CALB2: variants seen among roughly 807,000 people sequenced by gnomAD.
The protein encoded by CALB2 is calretinin.
CALB2 carries 34 observed loss-of-function variants against 45.9 expected under a neutral mutation model. The ratio of observed to expected loss-of-function variants is 0.74; its 90% CI spans 0.56 to 0.99. CALB2 has a LOEUF of 0.99. CALB2 is among the 50% of genes least tolerant of loss of function. CALB2 has a pLI of 0.00. For missense variants in CALB2, 344 were observed against 339.3 expected (o/e 1.01, Z -0.11); for synonymous variants, 142 against 129.6 (o/e 1.10, Z -0.65).
chr16:71,385,039 A>G (rs2042554396), intron 9 of CALB2, among the ~76,000 whole-genome samples: 1 of 152,146 alleles, frequency 6.6e-6, no homozygotes, highest in African/African-American at 2.4e-5. Flanking sequence ...TGGTTTCTGC[A>G]GAGTGCAGCC....
intron 1 of CALB2, among the ~76,000 whole-genome samples, chr16:71,360,295 C>A (rs151302134): frequency 6.6e-6 from 1 of 152,230 alleles, no homozygotes; most frequent in Non-Finnish European, 1.5e-5. Flanking sequence ...TTGGAGCCAA[C>A]TGAGAAAGCT....
chr16:71,384,972 T>C (rs2042553549), intron 9 of CALB2, 136 bp downstream of exon 9: 2 of 742,972 alleles, frequency 2.7e-6, no homozygotes, highest in Non-Finnish European at 4.7e-6. Context: ...CCGCATCTTC[T>C]GCTGTATGAG....
chr16:71,380,947 T>C (rs1434139405), intron 4 of CALB2, among the ~76,000 whole-genome samples: 2 of 152,148 alleles, frequency 1.3e-5, no homozygotes, highest in Non-Finnish European at 2.9e-5. Context: ...GCACTGATGA[T>C]GATGAGCACA....
At chr16:71,384,205 T>C in intron 7 of CALB2, 134 bp from the exon 8 acceptor site, 1 of 987,618 alleles carries the variant, frequency 1.0e-6, no homozygotes, top group Non-Finnish European at 1.6e-6. Context: ...GTTTTTGAAC[T>C]TCCCACTGAT....
chr16:71,374,983 C>T (rs1567538814), intron 3 of CALB2, 149 bp downstream of exon 3: 2 of 577,524 alleles, frequency 3.5e-6, no homozygotes, highest in South Asian at 2.1e-5. Flanking sequence ...CCAAAGAGAA[C>T]AGCAGGGACT....
chr16:71,361,993 GT>G (rs1159886572), intron 1 of CALB2, among the ~76,000 whole-genome samples: 1 of 152,270 alleles, frequency 6.6e-6, no homozygotes, highest in East Asian at 1.9e-4. Context: ...GGGTTCCAAT[GT>G]TGTCTCTCAA....
chr16:71,376,656 C>T (rs1438582443), intron 3 of CALB2, among the ~76,000 whole-genome samples: 2 of 152,076 alleles, frequency 1.3e-5, no homozygotes, highest in Admixed American at 6.6e-5. Context: ...TGCCCACATA[C>T]AGCCATATAC....
intron 1 of CALB2, among the ~76,000 whole-genome samples, chr16:71,368,210 A>G (rs1241513134): frequency 6.6e-6 from 1 of 152,232 alleles, no homozygotes; most frequent in Non-Finnish European, 1.5e-5. Flanking sequence ...TGCCTGCACA[A>G]TGCAGATGCT....
intron 3 of CALB2, among the ~76,000 whole-genome samples, chr16:71,376,674 TACA>T (rs1380598719): frequency 4.6e-5 from 7 of 151,674 alleles, no homozygotes; most frequent in Non-Finnish European, 8.8e-5. Context: ...TACACCCACA[TACA>T]ACCACATACA....
At chr16:71,388,487 T>G (rs2042597592) in intron 10 of CALB2, among the ~76,000 whole-genome samples, 2 of 152,156 alleles carry the variant, frequency 1.3e-5, no homozygotes, top group Admixed American at 1.3e-4. Context: ...GTTATTTGTA[T>G]CCGAAGCAAT....
intron 1 of CALB2, among the ~76,000 whole-genome samples, chr16:71,367,313 G>T (rs151161956): frequency 6.6e-6 from 1 of 151,996 alleles, no homozygotes; most frequent in African/African-American, 2.4e-5. Context: ...TGTCTTTATC[G>T]ATGCCCATCC....
At chr16:71,373,658 GC>G (rs1458079996) in intron 2 of CALB2, among the ~76,000 whole-genome samples, 2 of 152,112 alleles carry the variant, frequency 1.3e-5, no homozygotes, top group African/African-American at 2.4e-5. Flanking sequence ...GGAAGCAAAA[GC>G]CATGAGTTCA....
In CALB2 at chr16:71,383,404, C is replaced by T. The variant is rs138229238; in HGVS notation, c.437C>T (p.Pro146Leu). 3.8e-4 allele frequency: 620 copies of T among 1,614,080 alleles called. 5 individuals are homozygous for T. Among genetic ancestry groups the T allele is most frequent in the South Asian group, 1.9e-3 (177 of 91,072 alleles). Residue 146 changes from proline to leucine, a missense_variant, in exon 6 of 11, where the codon CCG becomes CTG. Around this residue, in one of 3 missense-constraint regions of CALB2, gnomAD observed 263 missense variants for 241.7 expected, o/e 1.09. Coordinates refer to ENST00000302628, the MANE Select transcript of CALB2 (RefSeq NM_001740.5). The part of the protein sequence containing the change: ...LSDLLKKANR[P>L]YDEPKLQEYT... ...GACCTGCTGAAGAAGGCGAACCGGC[C>T]GTACGATGAGCCCAAGCTCCAGGAA...
intron 1 of CALB2, among the ~76,000 whole-genome samples, chr16:71,363,320 C>T (rs2042252515): frequency 6.6e-6 from 1 of 152,180 alleles, no homozygotes; most frequent in South Asian, 2.1e-4. Flanking sequence ...CTTCTGTCCA[C>T]CTCCAAGTGG....
chr16:71,371,470 G>A (rs368614051), intron 1 of CALB2, among the ~76,000 whole-genome samples: 9 of 152,108 alleles, frequency 5.9e-5, no homozygotes, highest in Non-Finnish European at 7.4e-5. Context: ...TAAATGTGTC[G>A]GCAGGCTCTG....
intron 5 of CALB2, 22 bp downstream of exon 5, chr16:71,382,797 G>A: frequency 1.3e-6 from 2 of 1,598,230 alleles, no homozygotes; most frequent in Non-Finnish European, 1.7e-6. Flanking sequence ...CTTGGGGAGG[G>A]TGTGAGGCCA....
Position 71,384,033 on chromosome 16 carries a change from C to T in CALB2, c.533+8C>T. 1 of 1,613,544 alleles carries T rather than the reference C, an allele frequency of 6.2e-7. No homozygotes were observed. The highest frequency in any genetic ancestry group is 8.5e-7 in the Non-Finnish European group (1 of 1,179,590). On this transcript the variant is annotated splice_region_variant and intron_variant, in intron 7 of 10. Transcript: ENST00000302628. ...CCTCTCAGAGATGTCCCGGTAAGCA[C>T]CTCACCCCCGGGGTCACTGATACTG...
At chr16:71,384,901 G>A in intron 9 of CALB2, 65 bp downstream of exon 9, 2 of 1,365,780 alleles carry the variant, frequency 1.5e-6, no homozygotes, top group Non-Finnish European at 2.1e-6. Context: ...GAAGGGCTCA[G>A]CTTCATCCCT....
chr16:71,385,516 G>A, intron 9 of CALB2, 61 bp from the exon 10 acceptor site: 1 of 1,455,068 alleles, frequency 6.9e-7, no homozygotes, highest in Non-Finnish European at 9.6e-7. Context: ...TCCCTGGAAT[G>A]GGTCGGGACA....
Sources: allele counts gnomAD v4.1 joint callset (sites outside exome capture counted in the v4.1 genomes callset), GRCh38; gene constraint gnomAD v4.1.1; regional missense constraint gnomAD v4.1.1; transcripts MANE v1.5; gene names NCBI Gene and HGNC (gene_info 2026-07-23, HGNC 2026-07-21).